GALNT15: variants seen among roughly 807,000 people sequenced by gnomAD.
GALNT15 encodes UDP-GalNAc transferase T15.
In GALNT15, 67 loss-of-function variants were observed where a neutral mutation model predicts 66.8. The ratio of observed to expected loss-of-function variants is 1.00; its 90% CI spans 0.82 to 1.23. The LOEUF (loss-of-function observed/expected upper bound fraction) is 1.23. Among genes scored for constraint, GALNT15 ranks in the 50% most tolerant of loss-of-function variants. The probability of loss-of-function intolerance (pLI) is 0.00; values close to 1 mark genes in which losing one functional copy is unlikely to be tolerated. For synonymous variants in GALNT15, 313 were observed against 311.5 expected, an observed-to-expected ratio of 1.00 and a Z score of -0.05; for missense variants, 827 against 804.3, an observed-to-expected ratio of 1.03 and a Z score of -0.34.
chr3:16,213,983 G>A (rs1006469426), intron 6 of GALNT15, among the ~76,000 whole-genome samples: 2 of 152,196 alleles, frequency 1.3e-5, no homozygotes, highest in African/African-American at 4.8e-5. Context: ...TTTAGCTGGG[G>A]AGAGTGTTAA....
rs1213199482 is a variant in GALNT15 at position 16,227,094 on chromosome 3, T to C, written c.1774-260T>C. Among the ~76,000 whole-genome samples the C allele has an allele frequency of 6.6e-6, 1 of 152,212 alleles. No individual in the cohort carries two copies. The highest frequency in any genetic ancestry group is 2.4e-5 in the African/African-American group (1 of 41,458). ...CATGCTCTGGGAATTATACTAACCATAACTTTCTAAGAAATGGTGCAATTA... is the reference window on the plus strand; with the variant it reads ...CATGCTCTGGGAATTATACTAACCACAACTTTCTAAGAAATGGTGCAATTA... On this transcript the variant is annotated intron_variant, in intron 9 of 9. Transcript: ENST00000339732. The surrounding 1 kb of genome is among the most constrained non-coding windows in gnomAD (Gnocchi z 4.5).
At chr3:16,233,092 A>ATTTTTTTTTTTTTT (rs771943641), downstream of GALNT15, among the ~76,000 whole-genome samples, 1 of 48,064 alleles carries the variant, frequency 2.1e-5, no homozygotes, top group East Asian at 4.0e-4. Flanking sequence ...AGGATAATGC[A>ATTTTTTTTTTTTTT]TCTTTTTTTT....
downstream of GALNT15, among the ~76,000 whole-genome samples, chr3:16,235,184 A>G (rs1033596732): frequency 6.6e-6 from 1 of 151,972 alleles, no homozygotes; most frequent in Non-Finnish European, 1.5e-5. Flanking sequence ...TGGCCTCCCA[A>G]AGTGCTGGGA....
rs754940195 is a variant in GALNT15, at chr3:16,208,670, G to A, written c.1079G>A (p.Arg360Lys). The part of the protein sequence containing the change: ...KALQSPISPI[R>K]SPVVPGEVVA... ...CTCCAGTCCCCCATAAGCCCCATCAGGTGAGTCCCCATTTCACACCTGCTT... is the reference window on the plus strand; with the variant it reads ...CTCCAGTCCCCCATAAGCCCCATCAAGTGAGTCCCCATTTCACACCTGCTT... The change falls in exon 4 of 10, where the codon AGG (arginine) becomes AAG (lysine). Residue 360 changes from arginine to lysine, a missense_variant and splice_region_variant. Coordinates refer to ENST00000339732, the MANE Select transcript of GALNT15 (RefSeq NM_054110.5). The A allele has an allele frequency of 2.5e-6, 4 of 1,613,228 alleles. No homozygotes were observed. The highest frequency in any genetic ancestry group is 2.5e-6 in the Non-Finnish European group (3 of 1,179,636).
At position 16,211,098 on chromosome 3, in the gene GALNT15, G is replaced by A; in HGVS notation, c.1080-26G>A. On this transcript the variant is annotated intron_variant, in intron 4 of 9. Transcript: ENST00000339732. This position sits in a 1 kb window ranked among gnomAD's most constrained non-coding sequence, Gnocchi z 4.3. ...GCTGTGCTCTGGGTTCTGAACTGCA[G>A]TGTCCTGCCTGTCTTCTGTGTCCAG... is the stretch of plus-strand genomic sequence containing the variant. 1 of 1,553,866 alleles carries A rather than the reference G, an allele frequency of 6.4e-7. No homozygotes were observed. The highest frequency in any genetic ancestry group is 8.9e-7 in the Non-Finnish European group (1 of 1,125,786).
At chr3:16,190,327 GC>G (rs1213266845) in intron 1 of GALNT15, among the ~76,000 whole-genome samples, 5 of 152,114 alleles carry the variant, frequency 3.3e-5, no homozygotes, top group African/African-American at 4.8e-5. Context: ...TCCCCCTCCA[GC>G]CCACTAGAAA....
the GALNT15 span, among the ~76,000 whole-genome samples, chr3:16,239,019 C>G: frequency 6.6e-6 from 1 of 152,160 alleles, no homozygotes; most frequent in Non-Finnish European, 1.5e-5. The surrounding 1 kb of genome is among the most constrained non-coding windows in gnomAD (Gnocchi z 5.2). Flanking sequence ...GCTTTTGATC[C>G]TGGTTTCTGT....
chr3:16,221,039 C>CA (rs753885909), intron 8 of GALNT15, among the ~76,000 whole-genome samples: 6 of 152,224 alleles, frequency 3.9e-5, no homozygotes, highest in Non-Finnish European at 8.8e-5. Context: ...GCTTTGCAGT[C>CA]AGACATAGCT....
intron 1 of GALNT15, among the ~76,000 whole-genome samples, chr3:16,190,112 C>G (rs35763870): frequency 6.6e-6 from 1 of 152,114 alleles, no homozygotes; most frequent in African/African-American, 2.4e-5. Flanking sequence ...CTTGCCACAC[C>G]CTCCTACTTG....
In GALNT15 at chr3:16,200,543, C is replaced by T; in HGVS notation, c.707-76C>T. ...CACCACAGCTTCCAAAAGAGAGTTG[C>T]TGACGATTGTCTTAGTCACAATCTC... On this transcript the variant is annotated intron_variant, in intron 2 of 9. Coordinates refer to ENST00000339732, the MANE Select transcript of GALNT15 (RefSeq NM_054110.5). This position sits in a 1 kb window ranked among gnomAD's most constrained non-coding sequence, Gnocchi z 4.4. 8.3e-7 allele frequency: 1 copy of T among 1,203,310 alleles called. No homozygotes were observed. Among genetic ancestry groups the T allele is most frequent in the Non-Finnish European group, 1.1e-6 (1 of 883,004 alleles). The allele number at this position is 1,203,310 out of a possible 1,614,324, so 74.5% of individuals were successfully genotyped here.
chr3:16,196,064 G>A (rs1574977332), intron 2 of GALNT15, 138 bp downstream of exon 2: 2 of 806,008 alleles, frequency 2.5e-6, no homozygotes, highest in East Asian at 5.4e-5. Flanking sequence ...GGATTAATGG[G>A]CAAGTAACTT....
chr3:16,225,559 G>T lies in GALNT15; in HGVS notation c.1774-1795G>T, dbSNP rs927904436. On this transcript the variant is annotated intron_variant, in intron 9 of 9. Coordinates refer to ENST00000339732, the MANE Select transcript of GALNT15 (RefSeq NM_054110.5). The surrounding 1 kb of genome is among the most constrained non-coding windows in gnomAD (Gnocchi z 4.4). ...AAAACACAAAAACTAGCCAGGTGTG[G>T]TGGTGCACACCTCTAGTCTCAGCTA... Among the ~76,000 whole-genome samples the T allele has an allele frequency of 6.6e-6, 1 of 151,802 alleles. No homozygotes were observed. The highest frequency in any genetic ancestry group is 2.1e-4 in the South Asian group (1 of 4,808).
intron 1 of GALNT15, among the ~76,000 whole-genome samples, chr3:16,192,921 G>A (rs1318054879): frequency 6.6e-6 from 1 of 152,216 alleles, no homozygotes; most frequent in Non-Finnish European, 1.5e-5. Context: ...TTTCAAATAA[G>A]TGTTAGATGG....
In GALNT15 at chr3:16,222,536, G is replaced by A. The variant is rs926318803; in HGVS notation, c.1630-79G>A. ...ATTGCCCCTAGACCTCAGCTCTATA[G>A]TGGGTTCTTCTTACCTCCTCTACAG... On this transcript the variant is annotated intron_variant, in intron 8 of 9. Transcript: ENST00000339732. 9.1e-5 allele frequency: 142 copies of A among 1,565,126 alleles called. 1 individual carries two copies. The highest frequency in any genetic ancestry group is 1.1e-4 in the Non-Finnish European group (131 of 1,140,700).
At chr3:16,220,040 G>C (rs373770146) in intron 8 of GALNT15, 26 bp downstream of exon 8, 1 of 1,545,212 alleles carries the variant, frequency 6.5e-7, no homozygotes, top group Non-Finnish European at 9.0e-7. Context: ...TCTCAGGATG[G>C]ATGATAGCCC....
chr3:16,243,702 G>T, the GALNT15 span, among the ~76,000 whole-genome samples: 1 of 152,230 alleles, frequency 6.6e-6, no homozygotes, highest in African/African-American at 2.4e-5. Flanking sequence ...CTAGGGAGCT[G>T]TCAGAAACTG....
intron 2 of GALNT15, among the ~76,000 whole-genome samples, chr3:16,196,587 G>T (rs749282747): frequency 1.3e-5 from 2 of 152,130 alleles, no homozygotes; most frequent in African/African-American, 2.4e-5. Context: ...TGGCTCTCAC[G>T]CTTGAGCATG....
chr3:16,222,941 C>G (rs1173651753), intron 9 of GALNT15, among the ~76,000 whole-genome samples, 183 bp downstream of exon 9: 1 of 152,132 alleles, frequency 6.6e-6, no homozygotes, highest in Non-Finnish European at 1.5e-5. Context: ...GCAAAGTTGG[C>G]CCACTGGCAT....
At chr3:16,245,884 A>G in the GALNT15 span, among the ~76,000 whole-genome samples, 7 of 152,330 alleles carry the variant, frequency 4.6e-5, no homozygotes, top group South Asian at 1.4e-3. Flanking sequence ...CTATTTTTTC[A>G]GTGATTAACT....
Sources: gnomAD v4.1 joint callset for allele counts (sites outside exome capture counted in the v4.1 genomes callset) on GRCh38, gnomAD v4.1.1 for gene constraint, Gnocchi (gnomAD v3.1) non-coding constraint, MANE v1.5 for transcripts, NCBI Gene and HGNC (gene_info 2026-07-23, HGNC 2026-07-21) for gene names.